SKIC8: variants seen among roughly 807,000 people sequenced by gnomAD.
The protein encoded by SKIC8 is superkiller complex protein 8.
At chr15:78,289,169 C>T in the SKIC8 span, among the ~76,000 whole-genome samples, 1 of 152,144 alleles carries the variant, frequency 6.6e-6, no homozygotes, top group Non-Finnish European at 1.5e-5. Flanking sequence ...AATCCCAGCA[C>T]TTTGGGAGGC....
the SKIC8 span, chr15:78,292,962 T>A: frequency 1.0e-6 from 1 of 961,906 alleles, no homozygotes; most frequent in Non-Finnish European, 1.5e-6. Flanking sequence ...TGTAGGACTT[T>A]AAGATTTTTT....
chr15:78,287,532 G>A, the SKIC8 span, among the ~76,000 whole-genome samples: 5 of 152,184 alleles, frequency 3.3e-5, no homozygotes, highest in Non-Finnish European at 5.9e-5. Context: ...TGGCACCCAT[G>A]GCTAAGGTTG....
the SKIC8 span, chr15:78,292,456 C>T: frequency 1.4e-6 from 1 of 731,362 alleles, no homozygotes; most frequent in Non-Finnish European, 2.3e-6. Context: ...AGTGCTGTTT[C>T]CAGCCCCACT....
At chr15:78,294,905 T>G in the SKIC8 span, 1 of 1,613,922 alleles carries the variant, frequency 6.2e-7, no homozygotes, top group East Asian at 2.2e-5. Context: ...ACAACACAGT[T>G]TTTTTCACAG....
At chr15:78,297,917 T>C in the SKIC8 span, among the ~76,000 whole-genome samples, 1 of 152,160 alleles carries the variant, frequency 6.6e-6, no homozygotes, top group South Asian at 2.1e-4. Flanking sequence ...AAATTGGTAG[T>C]GTTTTGTTTT....
chr15:78,295,050 C>A, the SKIC8 span: 1 of 1,558,802 alleles, frequency 6.4e-7, no homozygotes. Context: ...AAGCACTCCT[C>A]CCCGAGTAGA....
At chr15:78,289,508 T>C in the SKIC8 span, 16 of 782,244 alleles carry the variant, frequency 2.0e-5, no homozygotes, top group South Asian at 8.9e-5. Context: ...TTGAGATTGA[T>C]ATTTTGTAAA....
At chr15:78,294,955 G>A in the SKIC8 span, 1 of 1,614,102 alleles carries the variant, frequency 6.2e-7, no homozygotes, top group South Asian at 1.1e-5. Flanking sequence ...CCTTGCTCTT[G>A]TTTGAAGAGA....
chr15:78,293,403 C>A, the SKIC8 span: 726 of 856,370 alleles, frequency 8.5e-4, 7 homozygotes, highest in East Asian at 0.019. Context: ...CTTTCCTATA[C>A]AGCTTTTATT....
the SKIC8 span, chr15:78,295,018 G>C: frequency 5.0e-6 from 8 of 1,612,754 alleles, no homozygotes. Context: ...TCAGATTTCA[G>C]ATGTCTCACA....
At chr15:78,285,255 C>G in the SKIC8 span, 1 of 1,613,570 alleles carries the variant, frequency 6.2e-7, no homozygotes, top group Non-Finnish European at 8.5e-7. Context: ...AATAATAATG[C>G]CATACCTGAT....
At chr15:78,293,330 A>C in the SKIC8 span, 1 of 1,464,690 alleles carries the variant, frequency 6.8e-7, no homozygotes, top group South Asian at 1.2e-5. Context: ...AATGAAGCCG[A>C]GATACTGTTC....
At chr15:78,284,354 G>C in the SKIC8 span, 2 of 152,116 alleles carry the variant, frequency 1.3e-5, no homozygotes, top group Admixed American at 6.5e-5. Context: ...CCTCAATTTT[G>C]TTGGGACAAT....
the SKIC8 span, chr15:78,293,268 A>G: frequency 3.1e-6 from 5 of 1,614,080 alleles, no homozygotes; most frequent in Admixed American, 5.0e-5. Flanking sequence ...TGGCATCATC[A>G]TGGGCTAGAA....
the SKIC8 span, chr15:78,293,199 G>C: frequency 6.2e-7 from 1 of 1,614,122 alleles, no homozygotes; most frequent in Non-Finnish European, 8.5e-7. Flanking sequence ...CATCTAGGGA[G>C]CCTGTGACCA....
chr15:78,285,234 T>C, the SKIC8 span: 1 of 1,610,340 alleles, frequency 6.2e-7, no homozygotes, highest in Non-Finnish European at 8.5e-7. Flanking sequence ...ACCCCGACTA[T>C]CTAAAGATGA....
the SKIC8 span, among the ~76,000 whole-genome samples, chr15:78,287,285 G>A: frequency 2.0e-5 from 3 of 151,658 alleles, no homozygotes; most frequent in Admixed American, 1.3e-4. Flanking sequence ...TAACTCTATA[G>A]AGACATCTTC....
At chr15:78,297,415 G>A in the SKIC8 span, among the ~76,000 whole-genome samples, 3 of 152,082 alleles carry the variant, frequency 2.0e-5, no homozygotes, top group African/African-American at 7.3e-5. Context: ...TAGTAAGTAG[G>A]TGAATTCATA....
the SKIC8 span, chr15:78,294,966 A>G: frequency 2.2e-5 from 36 of 1,614,186 alleles, no homozygotes; most frequent in Non-Finnish European, 3.0e-5. Flanking sequence ...TTTGAAGAGA[A>G]TACCGTACTA....
Sources: allele counts gnomAD v4.1 joint callset (sites outside exome capture counted in the v4.1 genomes callset), GRCh38; gene constraint gnomAD v4.1.1; transcripts MANE v1.5; gene names NCBI Gene and HGNC (gene_info 2026-07-23, HGNC 2026-07-21).